CSNK1G1: variants seen among roughly 807,000 people sequenced by gnomAD.
CSNK1G1 encodes the protein casein kinase 1 gamma 1, also known as casein kinase I isoform gamma-1.
Under a neutral mutation model 59.6 loss-of-function variants are expected in CSNK1G1, and 22 were observed. The ratio of observed to expected loss-of-function variants is 0.37; its 90% confidence interval spans 0.26 to 0.53. The LOEUF is 0.53. Ranked by LOEUF, CSNK1G1 falls within the 20% of genes least tolerant of loss-of-function variation. The pLI, the probability that CSNK1G1 is intolerant of heterozygous loss-of-function variation, is 0.89. For synonymous variants in CSNK1G1, 179 were observed against 177.1 expected, an observed-to-expected ratio of 1.01 and a Z score of -0.08; for missense variants, 384 against 519.5, an observed-to-expected ratio of 0.74 and a Z score of 2.54.
chr15:64,300,566 C>T lies in CSNK1G1; in HGVS notation c.-67G>A. 1 of 1,493,048 alleles carries T rather than the reference C, an allele frequency of 6.7e-7. No homozygotes were observed. The allele number at this position is 1,493,048 out of a possible 1,614,324, so 92.5% of individuals were successfully genotyped here. On this transcript the variant is annotated 5_prime_UTR_variant, in exon 2 of 12. Transcript: ENST00000303052. ...TCAGTATGTATACCTCTCTTCAATA[C>T]AAAAGTATGTCCAAATAAATTGTAG...
At chr15:64,284,437 G>C (rs1387595482) in intron 2 of CSNK1G1, among the ~76,000 whole-genome samples, 15 of 152,026 alleles carry the variant, frequency 9.9e-5, no homozygotes, top group Non-Finnish European at 1.8e-4. Context: ...ATTAAATCTT[G>C]AGATCCATGA....
chr15:64,356,144 A>G lies in CSNK1G1; in HGVS notation c.-381T>C, dbSNP rs573082073. On this transcript the variant is annotated 5_prime_UTR_variant, in exon 1 of 12. Coordinates refer to ENST00000303052, the MANE Select transcript of CSNK1G1 (RefSeq NM_022048.5). ...ACGGGAGGGGGAAGGCGAGGAGCCGAGGGGCGGCTGGAGCCGAACCGGAAC... is the reference window on the plus strand; with the variant it reads ...ACGGGAGGGGGAAGGCGAGGAGCCGGGGGGCGGCTGGAGCCGAACCGGAAC... 8 of 152,274 alleles carry G rather than the reference A, an allele frequency of 5.3e-5. No homozygotes were observed. The highest frequency in any genetic ancestry group is 1.9e-4 in the African/African-American group (8 of 41,538). 9.4% of individuals were successfully genotyped at this position (152,274 alleles called of 1,614,324 possible). A position where few individuals can be genotyped will look rare whatever the true frequency, so the allele number is the denominator to read the frequency against.
chr15:64,308,758 G>A (rs187934159), intron 1 of CSNK1G1, among the ~76,000 whole-genome samples: 21 of 152,132 alleles, frequency 1.4e-4, no homozygotes, highest in Non-Finnish European at 2.5e-4. Context: ...TTAGCCGGTC[G>A]TGGTGACAGG....
At chr15:64,261,691 T>C (rs1245637752) in intron 2 of CSNK1G1, among the ~76,000 whole-genome samples, 2 of 152,074 alleles carry the variant, frequency 1.3e-5, no homozygotes, top group South Asian at 4.2e-4. Context: ...ACACTTGTAA[T>C]CCCAGCACTT....
At chr15:64,185,385 CA>C (rs138309058) in intron 10 of CSNK1G1, among the ~76,000 whole-genome samples, 6,728 of 152,278 alleles carry the variant, frequency 0.044, 192 homozygotes, top group South Asian at 0.086. Flanking sequence ...AAAACAGTGT[CA>C]GCCCAAAGAG....
intron 2 of CSNK1G1, among the ~76,000 whole-genome samples, chr15:64,277,736 A>T (rs1398193285): frequency 2.5e-4 from 17 of 69,204 alleles, no homozygotes; most frequent in Admixed American, 4.2e-4. Flanking sequence ...ATAATATATT[A>T]ATATTGATAT....
intron 2 of CSNK1G1, among the ~76,000 whole-genome samples, chr15:64,279,880 G>A (rs1215358779): frequency 2.0e-5 from 3 of 151,496 alleles, no homozygotes; most frequent in Admixed American, 2.0e-4. Context: ...GCTGAGGCAG[G>A]AGAATCCCTT....
intron 2 of CSNK1G1, among the ~76,000 whole-genome samples, chr15:64,282,906 G>A (rs58430549): frequency 0.056 from 8,569 of 152,206 alleles, 732 homozygotes; most frequent in African/African-American, 0.19. Flanking sequence ...TAACAATGTT[G>A]AGCATCAAGT....
At chr15:64,318,716 T>A (rs1162039352) in intron 1 of CSNK1G1, among the ~76,000 whole-genome samples, 2 of 151,912 alleles carry the variant, frequency 1.3e-5, no homozygotes, top group East Asian at 3.9e-4. Context: ...GTTCAAGCAA[T>A]TCTCCTGCCT....
At chr15:64,290,956 T>C (rs1307978619) in intron 2 of CSNK1G1, among the ~76,000 whole-genome samples, 1 of 152,090 alleles carries the variant, frequency 6.6e-6, no homozygotes, top group Admixed American at 6.5e-5. Flanking sequence ...TCAGATGATC[T>C]GTCTGCTTTG....
At chr15:64,196,007 A>G (rs1596076403) in intron 10 of CSNK1G1, among the ~76,000 whole-genome samples, 1 of 152,204 alleles carries the variant, frequency 6.6e-6, no homozygotes, top group Non-Finnish European at 1.5e-5. Flanking sequence ...AGGCAGAAGG[A>G]TCACTTGAGC....
intron 2 of CSNK1G1, among the ~76,000 whole-genome samples, chr15:64,271,015 C>T (rs1190141844): frequency 6.6e-6 from 1 of 152,108 alleles, no homozygotes; most frequent in Non-Finnish European, 1.5e-5. Flanking sequence ...CAGAGTCTCG[C>T]TCTGTCTCCC....
chr15:64,181,051 A>G, intron 10 of CSNK1G1: 7 of 1,071,370 alleles, frequency 6.5e-6, no homozygotes, highest in Non-Finnish European at 8.9e-6. Context: ...AACTATAAAT[A>G]ATCACACTTT....
At position 64,165,949 on chromosome 15, in the gene CSNK1G1, G is replaced by A. The variant is rs1465835240; in HGVS notation, c.*5982C>T. 2 of 624,698 alleles carry A rather than the reference G, an allele frequency of 3.2e-6. No homozygotes were observed. Among genetic ancestry groups the A allele is most frequent in the Non-Finnish European group, 5.7e-6 (2 of 352,084 alleles). 38.7% of individuals were successfully genotyped at this position (624,698 alleles called of 1,614,324 possible). On this transcript the variant is annotated 3_prime_UTR_variant, in exon 12 of 12. Transcript: ENST00000303052. The stretch of plus-strand genomic sequence containing the variant: ...CTGCAGAGAAGATTTTCCTAATGGT[G>A]CACAAATATCTCTCCTGGAGGAACC...
At chr15:64,334,758 T>C (rs886611293) in intron 1 of CSNK1G1, among the ~76,000 whole-genome samples, 6 of 152,138 alleles carry the variant, frequency 3.9e-5, no homozygotes, top group African/African-American at 1.4e-4. Context: ...TGGCTTTAAA[T>C]ACAGATGAAG....
rs34630204 is a variant in CSNK1G1 at position 64,314,565 on chromosome 15, TA to T, written c.-224-13843del. Among the ~76,000 whole-genome samples, 131 of 130,576 alleles carry T rather than the reference TA, an allele frequency of 1.0e-3. 1 individual carries two copies. In the East Asian group the frequency reaches 0.014, roughly 14 times the overall value. The allele number at this position is 130,576 out of a possible 152,430, so 85.7% of individuals were successfully genotyped here. A position where few individuals can be genotyped will look rare whatever the true frequency, so the allele number is the denominator to read the frequency against. ...TCTTCACCACACTGTACCACAGAAT[TA>T]AAAAAAAAAAAAAAAAACATATCCC... is the stretch of plus-strand genomic sequence containing the variant. On this transcript the variant is annotated intron_variant, in intron 1 of 11. Coordinates refer to ENST00000303052, the MANE Select transcript of CSNK1G1 (RefSeq NM_022048.5).
chr15:64,352,978 A>C (rs548822760), intron 1 of CSNK1G1, among the ~76,000 whole-genome samples: 1 of 152,134 alleles, frequency 6.6e-6, no homozygotes, highest in East Asian at 2.0e-4. Flanking sequence ...AGTTCCAGCT[A>C]CTCAGGAAGC....
At position 64,200,100 on chromosome 15, in the gene CSNK1G1, C is replaced by T. The variant is rs1283068240; in HGVS notation, c.1107+2982G>A. On this transcript the variant is annotated intron_variant, in intron 10 of 11. Coordinates refer to ENST00000303052, the MANE Select transcript of CSNK1G1 (RefSeq NM_022048.5). This position sits in a 1 kb window ranked among gnomAD's most constrained non-coding sequence, Gnocchi z 4.3. Reference sequence around the variant, plus strand: ...TCTCCACTAAACATACAAAAATTAGCCCGGTGTGGTGGCAGGCACCTGTAA... The same window carrying T: ...TCTCCACTAAACATACAAAAATTAGTCCGGTGTGGTGGCAGGCACCTGTAA... Among the ~76,000 whole-genome samples the T allele has an allele frequency of 6.6e-6, 1 of 150,692 alleles. No homozygotes were observed. Among genetic ancestry groups the T allele is most frequent in the African/African-American group, 2.4e-5 (1 of 41,002 alleles).
intron 2 of CSNK1G1, among the ~76,000 whole-genome samples, chr15:64,289,195 A>T (rs536832189): frequency 6.6e-6 from 1 of 151,192 alleles, no homozygotes; most frequent in South Asian, 2.1e-4. Context: ...AAAAAAAAAA[A>T]AATTCCGGAA....
Sources: allele counts gnomAD v4.1 joint callset (sites outside exome capture counted in the v4.1 genomes callset), GRCh38; gene constraint gnomAD v4.1.1; non-coding constraint Gnocchi (gnomAD v3.1); transcripts MANE v1.5; gene names NCBI Gene and HGNC (gene_info 2026-07-23, HGNC 2026-07-21).